The following SDHAF3 variants were observed in gnomAD, a reference collection of about 807,000 sequenced individuals.
SDHAF3 encodes succinate dehydrogenase assembly factor 3, mitochondrial.
A neutral mutation model predicts 11.5 loss-of-function variants in SDHAF3; 18 were observed. The ratio of observed to expected loss-of-function variants is 1.56; its 90% CI spans 1.08 to 2.32. The LOEUF is 2.32. Among genes scored for constraint, SDHAF3 ranks in the 30% most tolerant of loss-of-function variants. The pLI is 0.00. For missense variants in SDHAF3, 200 were observed against 154.4 expected (o/e 1.30, Z -1.57); for synonymous variants, 72 against 59.3 (o/e 1.21, Z -0.99).
intron 1 of SDHAF3, among the ~76,000 whole-genome samples, chr7:97,153,430 G>A (rs1455528365): frequency 1.3e-5 from 2 of 152,154 alleles, no homozygotes; most frequent in Non-Finnish European, 2.9e-5. Context: ...TGGGTGTACT[G>A]CAGTTTGTTC....
intron 1 of SDHAF3, among the ~76,000 whole-genome samples, chr7:97,162,385 G>T (rs947693829): frequency 3.3e-5 from 5 of 151,942 alleles, no homozygotes; most frequent in African/African-American, 4.8e-5. Context: ...ATCTCCTTCA[G>T]TTCTGCTCTG....
At chr7:97,126,012 T>C (rs1791567811) in intron 1 of SDHAF3, among the ~76,000 whole-genome samples, 1 of 152,240 alleles carries the variant, frequency 6.6e-6, no homozygotes, top group South Asian at 2.1e-4. Context: ...TTTTTGTTGC[T>C]GTTCATGTTG....
At chr7:97,141,069 G>A (rs905070984) in intron 1 of SDHAF3, among the ~76,000 whole-genome samples, 6 of 152,290 alleles carry the variant, frequency 3.9e-5, no homozygotes, top group Non-Finnish European at 8.8e-5. Flanking sequence ...TGTCTTTTAC[G>A]GTCATAGCTG....
chr7:97,117,828 G>A lies in SDHAF3; in HGVS notation c.105G>A (p.Val35=), dbSNP rs749895347. 6.2e-7 allele frequency: 1 copy of A among 1,614,240 alleles called. No individual in the cohort carries two copies. Among genetic ancestry groups the A allele is most frequent in the Non-Finnish European group, 8.5e-7 (1 of 1,180,042 alleles). ...TCAAATCCCTGGGCGACCAGTACGT[G>A]AAAGACGAATTTAGGAGACATAAGA... The part of the protein sequence containing the change: ...PDLKSLGDQY[V]KDEFRRHKTV... The change falls in exon 1 of 2, where the codon GTG becomes GTA. Residue 35 remains valine, a synonymous_variant. Transcript: ENST00000432641.
intron 1 of SDHAF3, among the ~76,000 whole-genome samples, chr7:97,133,308 A>T (rs868788660): frequency 2.0e-5 from 3 of 152,136 alleles, no homozygotes; most frequent in Admixed American, 6.6e-5. Context: ...TGTTTTTAAG[A>T]ACTTCTTTGA....
Sources: allele counts gnomAD v4.1 joint callset (sites outside exome capture counted in the v4.1 genomes callset), GRCh38; gene constraint gnomAD v4.1.1; transcripts MANE v1.5; gene names NCBI Gene and HGNC (gene_info 2026-07-23, HGNC 2026-07-21).